Variants in CSMD1 observed in about 807,000 individuals in gnomAD.
CSMD1 encodes CUB and sushi domain-containing protein 1.
CSMD1 carries 213 observed loss-of-function variants against 417.5 expected under a neutral mutation model. That is an observed-to-expected ratio of 0.51 (90% CI 0.46 to 0.57). The LOEUF is 0.57. Among genes scored for constraint, CSMD1 ranks in the 20% least tolerant of loss-of-function variants. The probability of loss-of-function intolerance (pLI) is 0.00; values close to 1 mark genes in which losing one functional copy is unlikely to be tolerated. For synonymous variants in CSMD1, 2,862 were observed against 1,736.8 expected, an observed-to-expected ratio of 1.65 and a Z score of -16.11; for missense variants, 6,923 against 4,529.7, an observed-to-expected ratio of 1.53 and a Z score of -15.17.
At chr8:3,309,386 G>C (rs542075658) in intron 23 of CSMD1, among the ~76,000 whole-genome samples, 1 of 144,882 alleles carries the variant, frequency 6.9e-6, no homozygotes, top group Non-Finnish European at 1.5e-5. Flanking sequence ...ATGGTTATGA[G>C]GCTCTTGAGG....
rs1452613351 is a variant in CSMD1, at chr8:3,772,385, ATT to A, written c.819-18345_819-18344del. Among the ~76,000 whole-genome samples, 110 of 135,720 alleles carry A rather than the reference ATT, an allele frequency of 8.1e-4. 16 individuals carry two copies. Among genetic ancestry groups the A allele is most frequent in the African/African-American group, 3.0e-3 (100 of 33,318 alleles). The allele number at this position is 135,720 out of a possible 152,430, so 89.0% of individuals were successfully genotyped here. ...TATACATATATACATATATTCATAT[ATT>A]TATATATACACATATATACATATAT... On this transcript the variant is annotated intron_variant, in intron 5 of 69. Coordinates refer to ENST00000635120, the MANE Select transcript of CSMD1 (RefSeq NM_033225.6).
At chr8:4,909,215 G>A (rs764587579) in intron 1 of CSMD1, among the ~76,000 whole-genome samples, 1 of 152,190 alleles carries the variant, frequency 6.6e-6, no homozygotes, top group Non-Finnish European at 1.5e-5. Context: ...TGCTGTGGTA[G>A]TGAGGGATGG....
In CSMD1 at chr8:3,537,239, G is replaced by C. The variant is rs150440941; in HGVS notation, c.1344+37706C>G. 7.1e-3 allele frequency among the ~76,000 whole-genome samples: 1,075 copies of C among 152,296 alleles called. 14 individuals are homozygous for C. The highest frequency in any genetic ancestry group is 0.024 in the African/African-American group (1,000 of 41,556). On this transcript the variant is annotated intron_variant, in intron 10 of 69. Transcript: ENST00000635120. ...TAGTCAGTCTCGATCTCCTGACCTT[G>C]TGATCCACCTGCCTTGGCCTCCCAA...
chr8:4,597,516 T>C (rs13279272), intron 2 of CSMD1, among the ~76,000 whole-genome samples: 69,721 of 151,996 alleles, frequency 0.46, 18,044 homozygotes, highest in Non-Finnish European at 0.58. Flanking sequence ...GACCAGTTAC[T>C]CTATATCTTT....
chr8:4,270,343 ACT>A (rs34622348), intron 3 of CSMD1, among the ~76,000 whole-genome samples: 3,383 of 151,806 alleles, frequency 0.022, 136 homozygotes, highest in African/African-American at 0.077. Context: ...CACGATTCAC[ACT>A]CTGTTTCCAC....
At chr8:3,920,422 T>TTA (rs1809160518) in intron 5 of CSMD1, among the ~76,000 whole-genome samples, 1 of 152,014 alleles carries the variant, frequency 6.6e-6, no homozygotes, top group African/African-American at 2.4e-5. Context: ...CTGTAACATC[T>TTA]GAAAACATAA....
intron 18 of CSMD1, among the ~76,000 whole-genome samples, chr8:3,377,771 A>C (rs1282363667): frequency 1.3e-5 from 2 of 152,196 alleles, no homozygotes; most frequent in Non-Finnish European, 2.9e-5. Flanking sequence ...TAAGGGCTGT[A>C]CTTTCCATGA....
intron 1 of CSMD1, among the ~76,000 whole-genome samples, chr8:4,855,756 G>C (rs2116852339): frequency 6.6e-6 from 1 of 151,880 alleles, no homozygotes; most frequent in Non-Finnish European, 1.5e-5. Context: ...AAGAAATAAG[G>C]GACTATGTGA....
chr8:4,634,957 G>C (rs888562822), intron 2 of CSMD1, among the ~76,000 whole-genome samples: 1 of 152,158 alleles, frequency 6.6e-6, no homozygotes, highest in African/African-American at 2.4e-5. Context: ...AAATCACTCT[G>C]CACTCCTCGA....
At chr8:3,521,257 G>A (rs1182904809) in intron 10 of CSMD1, among the ~76,000 whole-genome samples, 4 of 152,032 alleles carry the variant, frequency 2.6e-5, no homozygotes, top group Admixed American at 6.6e-5. Flanking sequence ...CCAGGGATTC[G>A]TCCAATCTGC....
intron 8 of CSMD1, among the ~76,000 whole-genome samples, chr8:3,590,973 T>C (rs973742566): frequency 6.6e-6 from 1 of 152,186 alleles, no homozygotes; most frequent in Non-Finnish European, 1.5e-5. Flanking sequence ...AAATCAGATA[T>C]AACATCAGAT....
intron 17 of CSMD1, among the ~76,000 whole-genome samples, chr8:3,391,921 T>C (rs117732003): frequency 1.3e-5 from 2 of 152,148 alleles, no homozygotes; most frequent in Non-Finnish European, 2.9e-5. Flanking sequence ...TTCCTGTTTT[T>C]AAGAGGCATA....
At chr8:3,372,713 C>G (rs1267527928) in intron 18 of CSMD1, among the ~76,000 whole-genome samples, 1 of 152,074 alleles carries the variant, frequency 6.6e-6, no homozygotes, top group East Asian at 1.9e-4. Flanking sequence ...GCTTTGGATA[C>G]CAAAGCTCCA....
intron 3 of CSMD1, among the ~76,000 whole-genome samples, chr8:4,210,051 C>T (rs142283947): frequency 1.8e-4 from 27 of 152,306 alleles, no homozygotes; most frequent in African/African-American, 5.8e-4. Flanking sequence ...CTAAGCCCTG[C>T]TTCCTGAGTC....
At chr8:4,210,618 A>G (rs923025778) in intron 3 of CSMD1, among the ~76,000 whole-genome samples, 1 of 152,136 alleles carries the variant, frequency 6.6e-6, no homozygotes, top group African/African-American at 2.4e-5. Context: ...AGCTAATTAA[A>G]TAATATCTCA....
At chr8:3,697,006 G>A (rs1057120913) in intron 7 of CSMD1, among the ~76,000 whole-genome samples, 24 of 152,130 alleles carry the variant, frequency 1.6e-4, no homozygotes, top group African/African-American at 5.6e-4. Context: ...AGTAGGTCAT[G>A]GGTTCTGGTG....
At chr8:3,936,798 T>C (rs976635307) in intron 5 of CSMD1, among the ~76,000 whole-genome samples, 1 of 152,196 alleles carries the variant, frequency 6.6e-6, no homozygotes. Flanking sequence ...TTATTGTTAT[T>C]TAAGAAATAT....
In CSMD1 at chr8:3,273,047, G is replaced by A. The variant is rs188246041; in HGVS notation, c.4153+11097C>T. Among the ~76,000 whole-genome samples the A allele has an allele frequency of 7.1e-3, 1,076 of 151,978 alleles. 7 individuals are homozygous for A. The highest frequency in any genetic ancestry group is 0.018 in the African/African-American group (745 of 41,462). ...GAATGCTTCTAGTTTTTGCCCATTC[G>A]GTATGATATTGGCTGTGGGTTTGTT... On this transcript the variant is annotated intron_variant, in intron 26 of 69. Transcript: ENST00000635120.
At chr8:4,782,646 T>G (rs1797211516) in intron 1 of CSMD1, among the ~76,000 whole-genome samples, 1 of 152,290 alleles carries the variant, frequency 6.6e-6, no homozygotes, top group South Asian at 2.1e-4. Context: ...TACTGTATAT[T>G]TTTGTACAAT....
Sources: allele counts gnomAD v4.1 joint callset (sites outside exome capture counted in the v4.1 genomes callset), GRCh38; gene constraint gnomAD v4.1.1; transcripts MANE v1.5; gene names NCBI Gene and HGNC (gene_info 2026-07-23, HGNC 2026-07-21).